HAVCR1: variants seen among roughly 807,000 people sequenced by gnomAD.
HAVCR1 encodes the protein hepatitis A virus cellular receptor 1.
HAVCR1 carries 34 observed loss-of-function variants against 32.0 expected under a neutral mutation model. That is an observed-to-expected ratio of 1.06 (90% CI 0.81 to 1.42). HAVCR1 has a LOEUF of 1.42. Among genes scored for constraint, HAVCR1 ranks in the 40% most tolerant of loss-of-function variants. The pLI is 0.00. For synonymous variants in HAVCR1, 178 were observed against 170.3 expected (o/e 1.05, Z -0.35); for missense variants, 420 against 442.3 (o/e 0.95, Z 0.45).
At chr5:157,055,600 T>C in intron 2 of HAVCR1, 67 bp from the exon 3 acceptor site, 2 of 997,042 alleles carry the variant, frequency 2.0e-6, no homozygotes, top group Non-Finnish European at 3.0e-6. Context: ...GCACAATGGC[T>C]CACGCCTGTA....
intron 6 of HAVCR1, among the ~76,000 whole-genome samples, chr5:157,039,851 C>T (rs2113522846): frequency 6.6e-6 from 1 of 152,260 alleles, no homozygotes; most frequent in Middle Eastern, 3.4e-3. Flanking sequence ...ATGTATTCTG[C>T]ATGTTTTCAA....
rs1301862488 is a variant in HAVCR1, at chr5:157,052,566, A to G, written c.468T>C (p.Val156=). ...TSTTVPTTTT[V]PMTTVPTTTV... ...TTGTCGTTGGAACAGTCGTCATTGG[A>G]ACAGTCGTTGTCGTTGGAACAGTGG... The change falls in exon 4 of 9, where the codon GTT becomes GTC. Residue 156 remains valine, a synonymous_variant. Coordinates refer to ENST00000523175, the MANE Select transcript of HAVCR1 (RefSeq NM_001173393.3). 1.1e-6 allele frequency: 1 copy of G among 948,260 alleles called. No homozygotes were observed. Among genetic ancestry groups the G allele is most frequent in the East Asian group, 2.9e-5 (1 of 34,616 alleles). The allele number at this position is 948,260 out of a possible 1,614,324, so 58.7% of individuals were successfully genotyped here.
chr5:157,060,462 G>T (rs1334883516), upstream of HAVCR1, among the ~76,000 whole-genome samples: 1 of 151,870 alleles, frequency 6.6e-6, no homozygotes, highest in African/African-American at 2.4e-5. Flanking sequence ...TTTTATCCCG[G>T]CTTAAATATG....
upstream of HAVCR1, among the ~76,000 whole-genome samples, chr5:157,062,770 T>A (rs1756515299): frequency 6.6e-6 from 1 of 152,164 alleles, no homozygotes; most frequent in Admixed American, 6.6e-5. Context: ...CTTCTTTTTT[T>A]TATATCTTTT....
At chr5:157,048,647 G>A (rs1012812621) in intron 5 of HAVCR1, among the ~76,000 whole-genome samples, 14 of 152,114 alleles carry the variant, frequency 9.2e-5, no homozygotes, top group African/African-American at 2.7e-4. Context: ...TGACTAAGAC[G>A]GTGAAACCCC....
At chr5:157,045,918 C>T (rs1755370043) in intron 5 of HAVCR1, among the ~76,000 whole-genome samples, 1 of 152,156 alleles carries the variant, frequency 6.6e-6, no homozygotes, top group African/African-American at 2.4e-5. Context: ...CATAGTATTT[C>T]GGAGAATGAT....
At chr5:157,051,903 A>G (rs1387820113) in intron 4 of HAVCR1, among the ~76,000 whole-genome samples, 1 of 152,238 alleles carries the variant, frequency 6.6e-6, no homozygotes, top group Non-Finnish European at 1.5e-5. Context: ...GGTAGATAGA[A>G]AACAGTAAAT....
At chr5:157,055,080 A>C (rs1756029002) in intron 3 of HAVCR1, 121 bp downstream of exon 3, 1 of 591,906 alleles carries the variant, frequency 1.7e-6, no homozygotes, top group Non-Finnish European at 3.0e-6. Context: ...TTTCCCAAGA[A>C]CAAGAGTTTA....
intron 6 of HAVCR1, among the ~76,000 whole-genome samples, chr5:157,040,617 G>A (rs114241029): frequency 0.01 from 1,595 of 152,140 alleles, 34 homozygotes; most frequent in African/African-American, 0.037. Flanking sequence ...ATTATTCTCG[G>A]GCCAGCTGCG....
At chr5:157,038,641 G>A (rs895237118) in intron 6 of HAVCR1, among the ~76,000 whole-genome samples, 20 of 152,144 alleles carry the variant, frequency 1.3e-4, no homozygotes, top group East Asian at 9.6e-4. Context: ...GCTTAGAAGC[G>A]GCATAGCCAG....
intron 6 of HAVCR1, among the ~76,000 whole-genome samples, chr5:157,037,639 T>G (rs947084284): frequency 1.3e-5 from 2 of 152,196 alleles, no homozygotes; most frequent in Non-Finnish European, 2.9e-5. Flanking sequence ...TAAAACTGTA[T>G]GCTTAAAATG....
intron 6 of HAVCR1, 102 bp from the exon 7 acceptor site, chr5:157,037,463 G>T: frequency 4.6e-6 from 3 of 645,290 alleles, no homozygotes; most frequent in South Asian, 3.8e-5. Flanking sequence ...CTGTATTGGT[G>T]CTTGGGGACT....
chr5:157,061,923 C>T (rs1471125629), upstream of HAVCR1, among the ~76,000 whole-genome samples: 1 of 152,210 alleles, frequency 6.6e-6, no homozygotes, highest in African/African-American at 2.4e-5. Context: ...TGTTACATAA[C>T]TGTACAATTC....
chr5:157,030,414 C>T (rs1754103870), intron 8 of HAVCR1, among the ~76,000 whole-genome samples: 1 of 152,150 alleles, frequency 6.6e-6, no homozygotes, highest in Non-Finnish European at 1.5e-5. Flanking sequence ...GCCTCTAATC[C>T]CAGCATTTTG....
chr5:157,044,400 G>A (rs1307452241), intron 5 of HAVCR1, among the ~76,000 whole-genome samples: 160 of 37,716 alleles, frequency 4.2e-3, no homozygotes, highest in Non-Finnish European at 6.2e-3. Flanking sequence ...AAGGAAGGAA[G>A]GAAGGAAGGA....
upstream of HAVCR1, among the ~76,000 whole-genome samples, chr5:157,063,331 G>A (rs1233981117): frequency 7.0e-6 from 1 of 143,488 alleles, no homozygotes; most frequent in East Asian, 2.1e-4. Flanking sequence ...TTTTGCCCAG[G>A]CTGGAGGGCA....
At chr5:157,032,037 C>T (rs1754203372) in intron 8 of HAVCR1, among the ~76,000 whole-genome samples, 1 of 152,096 alleles carries the variant, frequency 6.6e-6, no homozygotes, top group African/African-American at 2.4e-5. Context: ...GCTTTCTTGG[C>T]ACTCAATCAA....
At chr5:157,034,695 G>A (rs1357699598) in intron 7 of HAVCR1, among the ~76,000 whole-genome samples, 2 of 152,040 alleles carry the variant, frequency 1.3e-5, no homozygotes, top group African/African-American at 4.8e-5. Flanking sequence ...GAGGCCTTCC[G>A]CAGTGCATTT....
intron 2 of HAVCR1, among the ~76,000 whole-genome samples, chr5:157,057,655 T>C (rs1561606482): frequency 6.6e-6 from 1 of 152,194 alleles, no homozygotes; most frequent in Non-Finnish European, 1.5e-5. Context: ...TGTGACACAC[T>C]GTGCTGCATC....
Sources: gnomAD v4.1 joint callset for allele counts (sites outside exome capture counted in the v4.1 genomes callset) on GRCh38, gnomAD v4.1.1 for gene constraint, MANE v1.5 for transcripts, NCBI Gene and HGNC (gene_info 2026-07-23, HGNC 2026-07-21) for gene names.